Variants in USP49 observed in about 807,000 individuals in gnomAD.
USP49 encodes the protein ubiquitin carboxyl-terminal hydrolase 49.
In USP49, 24 loss-of-function variants were observed where a neutral mutation model predicts 58.6. The observed-to-expected ratio is 0.41, with a 90% CI of 0.30 to 0.58. USP49 has a LOEUF of 0.58. Ranked by LOEUF, USP49 falls within the 20% of genes least tolerant of loss-of-function variation. USP49 has a pLI of 0.30. For synonymous variants in USP49, 408 were observed against 365.1 expected (o/e 1.12, Z -1.34); for missense variants, 703 against 866.1 (o/e 0.81, Z 2.36).
rs190435292 is a variant in USP49, at chr6:41,886,038, G to A, written c.-103+5756C>T. ...CTTTTAAGAGTATATTCAATTCCAC[G>A]GTGATGTATTTGCTTTCTCATCTTT... On this transcript the variant is annotated intron_variant, in intron 2 of 7. Transcript: ENST00000682992. Among the ~76,000 whole-genome samples the A allele has an allele frequency of 4.8e-3, 735 of 152,244 alleles. 5 individuals are homozygous for A. Among genetic ancestry groups the A allele is most frequent in the African/African-American group, 0.017 (687 of 41,540 alleles).
At chr6:41,850,462 A>AAT (rs1561917522) in intron 3 of USP49, among the ~76,000 whole-genome samples, 1 of 146,792 alleles carries the variant, frequency 6.8e-6, no homozygotes, top group African/African-American at 2.5e-5. Context: ...AAAAAAAAAA[A>AAT]AAATAAATAA....
intron 3 of USP49, among the ~76,000 whole-genome samples, chr6:41,856,183 C>T (rs906272377): frequency 1.3e-5 from 2 of 152,050 alleles, no homozygotes; most frequent in Non-Finnish European, 2.9e-5. Context: ...ACCATCCTCG[C>T]TAACATGGTG....
At chr6:41,808,659 C>T (rs891028553) in intron 3 of USP49, among the ~76,000 whole-genome samples, 1 of 152,190 alleles carries the variant, frequency 6.6e-6, no homozygotes, top group Non-Finnish European at 1.5e-5. Context: ...ATCCGCCCAC[C>T]TCAGCCTCCC....
chr6:41,834,531 GAGGTGACTGGATCA>G (rs527393084), intron 3 of USP49, among the ~76,000 whole-genome samples: 5 of 152,290 alleles, frequency 3.3e-5, no homozygotes, highest in East Asian at 1.9e-4. Flanking sequence ...GGCCTGGTGG[GAGGTGACTGGATCA>G]AGGGGGCAAT....
At chr6:41,868,068 T>A (rs1774351680) in intron 3 of USP49, among the ~76,000 whole-genome samples, 1 of 152,206 alleles carries the variant, frequency 6.6e-6, no homozygotes, top group African/African-American at 2.4e-5. Flanking sequence ...TAAGAGTTAT[T>A]AACTAGGCCA....
rs1772863959 is a variant in USP49, at chr6:41,795,050, C to T, written c.*1483G>A. On this transcript the variant is annotated 3_prime_UTR_variant, in exon 8 of 8. Transcript: ENST00000682992. ...CTGGCTTTCCCCACTTCCCACTCCT[C>T]CCCGAACGCCCTTCCACATCTACTC... 1 of 152,180 alleles carries T rather than the reference C, an allele frequency of 6.6e-6. No homozygotes were observed. Among genetic ancestry groups the T allele is most frequent in the Admixed American group, 6.5e-5 (1 of 15,268 alleles). The allele number at this position is 152,180 out of a possible 1,614,324, so 9.4% of individuals were successfully genotyped here. A position where few individuals can be genotyped will look rare whatever the true frequency, so the allele number is the denominator to read the frequency against.
intron 2 of USP49, among the ~76,000 whole-genome samples, chr6:41,878,185 A>G (rs1482582888): frequency 6.6e-6 from 1 of 151,336 alleles, no homozygotes; most frequent in Non-Finnish European, 1.5e-5. Context: ...CAAAGAAAGC[A>G]AAGACTTTAT....
intron 2 of USP49, among the ~76,000 whole-genome samples, chr6:41,886,112 G>A (rs915503100): frequency 6.6e-6 from 1 of 152,056 alleles, no homozygotes; most frequent in Non-Finnish European, 1.5e-5. Flanking sequence ...TTTTTTATAT[G>A]CAATGTTTAT....
chr6:41,889,250 C>A (rs1774770808), intron 2 of USP49, among the ~76,000 whole-genome samples: 2 of 151,988 alleles, frequency 1.3e-5, no homozygotes, highest in African/African-American at 4.8e-5. Context: ...CCAGGCTGGT[C>A]TCAAACTCCT....
chr6:41,823,482 C>G (rs1178232088), intron 3 of USP49, among the ~76,000 whole-genome samples: 2 of 152,132 alleles, frequency 1.3e-5, no homozygotes, highest in African/African-American at 2.4e-5. Context: ...CTAGCCATTA[C>G]AAAAAGAGTC....
chr6:41,802,448 A>ATTTT (rs1363216201), intron 5 of USP49, among the ~76,000 whole-genome samples: 4 of 53,332 alleles, frequency 7.5e-5, no homozygotes, highest in Admixed American at 2.5e-4. Flanking sequence ...TTATTTATTT[A>ATTTT]TTTATTTATT....
chr6:41,807,501 C>T (rs1285271517), intron 3 of USP49, among the ~76,000 whole-genome samples: 1 of 152,012 alleles, frequency 6.6e-6, no homozygotes, highest in Non-Finnish European at 1.5e-5. Flanking sequence ...AGTGCAGTGG[C>T]GGGATATCAG....
At chr6:41,814,563 C>G (rs535001893) in intron 3 of USP49, among the ~76,000 whole-genome samples, 3 of 152,206 alleles carry the variant, frequency 2.0e-5, no homozygotes, top group East Asian at 3.9e-4. Flanking sequence ...AATTTCTCAG[C>G]AGGTCTTAAC....
At chr6:41,868,380 T>G (rs1395751826) in intron 3 of USP49, among the ~76,000 whole-genome samples, 2 of 152,206 alleles carry the variant, frequency 1.3e-5, no homozygotes, top group African/African-American at 4.8e-5. Flanking sequence ...CAGGCTGGAG[T>G]GCAATAGTGC....
intron 3 of USP49, among the ~76,000 whole-genome samples, chr6:41,866,400 G>T (rs576516170): frequency 1.2e-4 from 19 of 152,324 alleles, no homozygotes; most frequent in Admixed American, 3.3e-4. Context: ...TAAGCTCCAT[G>T]ATGGTAGAGA....
At chr6:41,887,550 T>C (rs1475911149) in intron 2 of USP49, among the ~76,000 whole-genome samples, 1 of 152,184 alleles carries the variant, frequency 6.6e-6, no homozygotes, top group East Asian at 1.9e-4. Flanking sequence ...AACATTCCTA[T>C]TTGAATGAGG....
chr6:41,846,514 C>T (rs1773926130), intron 3 of USP49, among the ~76,000 whole-genome samples: 1 of 152,032 alleles, frequency 6.6e-6, no homozygotes, highest in African/African-American at 2.4e-5. Flanking sequence ...GAGTGAGAGG[C>T]AGTGTGGAGG....
intron 2 of USP49, among the ~76,000 whole-genome samples, chr6:41,876,849 G>C (rs528480205): frequency 6.6e-6 from 1 of 152,274 alleles, no homozygotes; most frequent in African/African-American, 2.4e-5. Flanking sequence ...ACCACAATCA[G>C]CAATTACAAT....
At chr6:41,844,178 G>C (rs1375946062) in intron 3 of USP49, among the ~76,000 whole-genome samples, 4 of 151,084 alleles carry the variant, frequency 2.6e-5, no homozygotes, top group African/African-American at 9.7e-5. Context: ...CCGAGATTGT[G>C]CCACTGCACT....
Sources: gnomAD v4.1 joint callset for allele counts (sites outside exome capture counted in the v4.1 genomes callset) on GRCh38, gnomAD v4.1.1 for gene constraint, MANE v1.5 for transcripts, NCBI Gene and HGNC (gene_info 2026-07-23, HGNC 2026-07-21) for gene names.